The following AGAP1 variants were observed in gnomAD, a reference collection of about 807,000 sequenced individuals.
AGAP1 encodes the protein ArfGAP with GTPase domain, ankyrin repeat and PH domain 1.
Under a neutral mutation model 105.3 loss-of-function variants are expected in AGAP1, and 29 were observed. The observed-to-expected ratio is 0.28, with a 90% confidence interval of 0.21 to 0.38. The LOEUF is 0.38. AGAP1 is among the 10% of genes least tolerant of loss of function. The pLI is 1.00. For synonymous variants in AGAP1, 509 were observed against 485.9 expected (o/e 1.05, Z -0.63); for missense variants, 998 against 1,165.1 (o/e 0.86, Z 2.09).
rs561146252 is a variant in AGAP1 at position 235,826,281 on chromosome 2, A to G, written c.1050+18950A>G. 9.2e-5 allele frequency among the ~76,000 whole-genome samples: 14 copies of G among 152,324 alleles called. No homozygotes were observed. In the East Asian group the frequency reaches 2.7e-3, roughly 29 times the overall value. On this transcript the variant is annotated intron_variant, in intron 9 of 17. Transcript: ENST00000304032. ...TGAGCATGGCTTATTAAGGGCCCCA[A>G]AAGTCTAACCTCTGCCAACTCAGAG...
rs557237755 is a variant in AGAP1 at position 236,105,684 on chromosome 2, C to T, written c.2115-14508C>T. On this transcript the variant is annotated intron_variant, in intron 16 of 17. Coordinates refer to ENST00000304032, the MANE Select transcript of AGAP1 (RefSeq NM_001037131.3). The surrounding 1 kb of genome is among the most constrained non-coding windows in gnomAD (Gnocchi z 4.2). Reference sequence around the variant, plus strand: ...CATTCTCCCGCGTTCACGCCATTCTCCCGCGTTCACGCCATTCTCCCACCT... The same window carrying T: ...CATTCTCCCGCGTTCACGCCATTCTTCCGCGTTCACGCCATTCTCCCACCT... Among the ~76,000 whole-genome samples the T allele has an allele frequency of 1.1e-4, 17 of 151,644 alleles. No homozygotes were observed. The highest frequency in any genetic ancestry group is 7.2e-4 in the Admixed American group (11 of 15,242).
At position 235,621,593 on chromosome 2, in the gene AGAP1, C is replaced by T. The variant is rs1466902298; in HGVS notation, c.164-87586C>T. On this transcript the variant is annotated intron_variant, in intron 1 of 17. Transcript: ENST00000304032. The surrounding 1 kb of genome is among the most constrained non-coding windows in gnomAD (Gnocchi z 4.1). ...TGGGCTGACCCCAATGGCCCCTGCC[C>T]ATCATGCATTTAGGGGCTCCTCTGA... Among the ~76,000 whole-genome samples the T allele has an allele frequency of 2.6e-5, 4 of 152,194 alleles. No individual in the cohort carries two copies. The highest frequency in any genetic ancestry group is 9.6e-5 in the African/African-American group (4 of 41,460).
At chr2:235,810,201 C>T (rs1009272808) in intron 9 of AGAP1, among the ~76,000 whole-genome samples, 1 of 152,198 alleles carries the variant, frequency 6.6e-6, no homozygotes, top group Non-Finnish European at 1.5e-5. Flanking sequence ...ACATATTTCT[C>T]CAGGGATAAC....
rs183647668 is a variant in AGAP1 at position 235,904,018 on chromosome 2, C to T, written c.1156-4720C>T. The stretch of plus-strand genomic sequence containing the variant: ...TGTGCTGCTGTCAGCAAGCTGAAAG[C>T]TATGGGTCTCTGACACGGCTCTCAA... On this transcript the variant is annotated intron_variant, in intron 10 of 17. Coordinates refer to ENST00000304032, the MANE Select transcript of AGAP1 (RefSeq NM_001037131.3). This position sits in a 1 kb window ranked among gnomAD's most constrained non-coding sequence, Gnocchi z 4.2. Among the ~76,000 whole-genome samples the T allele has an allele frequency of 6.6e-6, 1 of 152,162 alleles. No homozygotes were observed. Among genetic ancestry groups the T allele is most frequent in the East Asian group, 1.9e-4 (1 of 5,152 alleles).
At chr2:235,820,352 C>CA (rs1958721783) in intron 9 of AGAP1, among the ~76,000 whole-genome samples, 1 of 152,136 alleles carries the variant, frequency 6.6e-6, no homozygotes, top group Admixed American at 6.5e-5. Context: ...GTTTAGGTTA[C>CA]ACAGAAGTGG....
intron 11 of AGAP1, among the ~76,000 whole-genome samples, chr2:235,913,359 TTG>T (rs2051714611): frequency 6.6e-6 from 1 of 152,188 alleles, no homozygotes; most frequent in Non-Finnish European, 1.5e-5. Context: ...CACCTTTAAT[TTG>T]TTTGTGTCTA....
At chr2:235,820,537 A>G (rs1414355202) in intron 9 of AGAP1, among the ~76,000 whole-genome samples, 1 of 152,224 alleles carries the variant, frequency 6.6e-6, no homozygotes, top group Non-Finnish European at 1.5e-5. Context: ...TCAAGATTAA[A>G]CCCACAAATT....
At chr2:235,914,887 C>T (rs1450838894) in intron 11 of AGAP1, among the ~76,000 whole-genome samples, 1 of 152,224 alleles carries the variant, frequency 6.6e-6, no homozygotes, top group African/African-American at 2.4e-5. Flanking sequence ...TGCATCGGAA[C>T]AGGCAGCATG....
At chr2:236,024,124 G>A (rs1045187483) in intron 13 of AGAP1, among the ~76,000 whole-genome samples, 5 of 141,636 alleles carry the variant, frequency 3.5e-5, no homozygotes, top group South Asian at 4.8e-4. Context: ...TCCGCCTCCC[G>A]GGTTCAAGCA....
At position 236,073,990 on chromosome 2, in the gene AGAP1, G is replaced by A. The variant is rs977056184; in HGVS notation, c.2114+24709G>A. On this transcript the variant is annotated intron_variant, in intron 16 of 17. Coordinates refer to ENST00000304032, the MANE Select transcript of AGAP1 (RefSeq NM_001037131.3). This position sits in a 1 kb window ranked among gnomAD's most constrained non-coding sequence, Gnocchi z 5.4. ...CTCCAGGAGCACAGGTTCTCACCTG[G>A]GGCTGATCTGCCCCCTGGGGACATT... is the stretch of plus-strand genomic sequence containing the variant. 6.6e-6 allele frequency among the ~76,000 whole-genome samples: 1 copy of A among 152,148 alleles called. No individual in the cohort carries two copies. The highest frequency in any genetic ancestry group is 2.4e-5 in the African/African-American group (1 of 41,440).
chr2:235,666,420 C>CT (rs1374134815), intron 1 of AGAP1, among the ~76,000 whole-genome samples: 1 of 152,066 alleles, frequency 6.6e-6, no homozygotes, highest in African/African-American at 2.4e-5. Context: ...CATGTGTCTT[C>CT]TTTGCATCGG....
At chr2:235,502,700 CTTTTTTTTTT>C (rs5839594) in intron 1 of AGAP1, among the ~76,000 whole-genome samples, 2 of 110,978 alleles carry the variant, frequency 1.8e-5, no homozygotes, top group South Asian at 6.3e-4. Context: ...TTTTATTTGC[CTTTTTTTTTT>C]TTTTTTTTTT....
rs1018577377 is a variant in AGAP1, at chr2:235,574,920, C to T, written c.163+80071C>T. On this transcript the variant is annotated intron_variant, in intron 1 of 17. Transcript: ENST00000304032. This position sits in a 1 kb window ranked among gnomAD's most constrained non-coding sequence, Gnocchi z 5.0. ...AATGGATCACTTGAGCTCAGGAGTTCGACACCAGCCTAGGCAACATGGCAA... is the reference window on the plus strand; with the variant it reads ...AATGGATCACTTGAGCTCAGGAGTTTGACACCAGCCTAGGCAACATGGCAA... 1.3e-5 allele frequency among the ~76,000 whole-genome samples: 2 copies of T among 152,162 alleles called. No homozygotes were observed. The highest frequency in any genetic ancestry group is 2.1e-4 in the South Asian group (1 of 4,820).
At chr2:235,587,898 C>G (rs1574910072) in intron 1 of AGAP1, among the ~76,000 whole-genome samples, 1 of 152,064 alleles carries the variant, frequency 6.6e-6, no homozygotes, top group Admixed American at 6.6e-5. Context: ...CCTGCAGCTT[C>G]CCATGAACGG....
At chr2:235,617,532 T>TCTCTA (rs2149265012) in intron 1 of AGAP1, among the ~76,000 whole-genome samples, 1 of 152,230 alleles carries the variant, frequency 6.6e-6, no homozygotes, top group Admixed American at 6.5e-5. Context: ...TGAAACTCTG[T>TCTCTA]CTCTACTAAA....
At chr2:235,896,891 A>G (rs571212874) in intron 10 of AGAP1, among the ~76,000 whole-genome samples, 1 of 152,314 alleles carries the variant, frequency 6.6e-6, no homozygotes, top group Non-Finnish European at 1.5e-5. Context: ...ATTTCTGTCT[A>G]TGTAATTCTT....
rs1405644094 is a variant in AGAP1, at chr2:236,068,917, A to C, written c.2114+19636A>C. Among the ~76,000 whole-genome samples the C allele has an allele frequency of 3.3e-5, 5 of 151,908 alleles. No individual in the cohort carries two copies. In the East Asian group the frequency reaches 7.7e-4, roughly 23 times the overall value. ...GCCAAGGCAGGCGGATCATGAGGTC[A>C]GGAGATCGAGACCATCCTGGTCAAC... On this transcript the variant is annotated intron_variant, in intron 16 of 17. Coordinates refer to ENST00000304032, the MANE Select transcript of AGAP1 (RefSeq NM_001037131.3).
chr2:236,030,227 G>C (rs1375481567), intron 13 of AGAP1, among the ~76,000 whole-genome samples: 1 of 152,118 alleles, frequency 6.6e-6, no homozygotes, highest in Non-Finnish European at 1.5e-5. Flanking sequence ...TGACCAGGCT[G>C]GTCTTGAACT....
chr2:236,040,711 G>A lies in AGAP1; in HGVS notation c.1801-40G>A, dbSNP rs771663695. 6.2e-7 allele frequency: 1 copy of A among 1,600,616 alleles called. No homozygotes were observed. Among genetic ancestry groups the A allele is most frequent in the South Asian group, 1.1e-5 (1 of 90,650 alleles). On this transcript the variant is annotated intron_variant, in intron 14 of 17. Transcript: ENST00000304032. This position sits in a 1 kb window ranked among gnomAD's most constrained non-coding sequence, Gnocchi z 5.6. ...TATCAGTGATGTGCGTTTCTCCCGG[G>A]GTGCTTACGCCTTGTATTTGTGTCT...
Sources: allele counts gnomAD v4.1 joint callset (sites outside exome capture counted in the v4.1 genomes callset), GRCh38; gene constraint gnomAD v4.1.1; non-coding constraint Gnocchi (gnomAD v3.1); transcripts MANE v1.5; gene names NCBI Gene and HGNC (gene_info 2026-07-23, HGNC 2026-07-21).